The following CHI3L2 variants were observed in gnomAD, a reference collection of about 807,000 sequenced individuals.
CHI3L2 encodes the protein chitinase-3-like protein 2.
CHI3L2 carries 47 observed loss-of-function variants against 47.3 expected under a neutral mutation model. The observed-to-expected ratio is 0.99, with a 90% CI of 0.79 to 1.27. The LOEUF is 1.27. Among genes scored for constraint, CHI3L2 ranks in the 50% most tolerant of loss-of-function variants. The pLI, the probability that CHI3L2 is intolerant of heterozygous loss-of-function variation, is 0.00. For missense variants in CHI3L2, 497 were observed against 462.1 expected (o/e 1.08, Z -0.69); for synonymous variants, 198 against 169.9 (o/e 1.17, Z -1.28).
intron 3 of CHI3L2, 49 bp from the exon 4 acceptor site, chr1:111,231,189 C>T (rs1437568358): frequency 6.8e-7 from 1 of 1,475,186 alleles, no homozygotes; most frequent in Non-Finnish European, 9.5e-7. Context: ...TAGACAAAGG[C>T]TTCCCTGGCA....
chr1:111,235,617 C>A (rs1017064714), intron 5 of CHI3L2, 22 bp from the exon 6 acceptor site: 3 of 1,610,424 alleles, frequency 1.9e-6, no homozygotes, highest in Admixed American at 3.4e-5. Flanking sequence ...AATATTGCAC[C>A]TCGTTTCTTT....
chr1:111,239,077 C>G (rs562741486), intron 8 of CHI3L2, 145 bp downstream of exon 8: 1 of 785,484 alleles, frequency 1.3e-6, no homozygotes, highest in Non-Finnish European at 1.9e-6. Context: ...GATCTCCTAA[C>G]TCTGGGTTGG....
intron 8 of CHI3L2, among the ~76,000 whole-genome samples, chr1:111,240,065 A>C (rs1266304106): frequency 3.3e-5 from 5 of 152,200 alleles, no homozygotes; most frequent in Admixed American, 3.3e-4. Context: ...TGACTGGGGA[A>C]GGCTCCATGG....
intron 7 of CHI3L2, among the ~76,000 whole-genome samples, chr1:111,238,484 G>A (rs1312520369): frequency 2.0e-5 from 3 of 152,164 alleles, no homozygotes; most frequent in Non-Finnish European, 2.9e-5. Context: ...TTGATTTCAT[G>A]TTTTCTAGGT....
intron 4 of CHI3L2, among the ~76,000 whole-genome samples, chr1:111,231,877 A>G (rs1659733083): frequency 6.6e-6 from 1 of 152,268 alleles, no homozygotes; most frequent in South Asian, 2.1e-4. Flanking sequence ...TCCCATGGAA[A>G]TGATATCCCA....
chr1:111,230,198 T>C (rs1050840128), intron 2 of CHI3L2, among the ~76,000 whole-genome samples: 7 of 152,156 alleles, frequency 4.6e-5, no homozygotes, highest in African/African-American at 1.4e-4. Context: ...ACATACTGAA[T>C]CTTAGTGCTC....
At chr1:111,231,923 A>G (rs1413874747) in intron 4 of CHI3L2, among the ~76,000 whole-genome samples, 1 of 152,268 alleles carries the variant, frequency 6.6e-6, no homozygotes, top group Non-Finnish European at 1.5e-5. Flanking sequence ...ACATAAGGAT[A>G]AATATCACAT....
At chr1:111,237,570 A>T (rs1369113482) in intron 7 of CHI3L2, among the ~76,000 whole-genome samples, 1 of 152,190 alleles carries the variant, frequency 6.6e-6, no homozygotes, top group Non-Finnish European at 1.5e-5. Context: ...TGGCTAAGTC[A>T]CATCAGCCTC....
Position 111,229,905 on chromosome 1 carries a change from C to A in CHI3L2, c.70+24C>A, listed in dbSNP as rs369491317. On this transcript the variant is annotated intron_variant, in intron 2 of 10. Transcript: ENST00000369748. Reference sequence around the variant, plus strand: ...AGGTAAGTAGTCAATAAGTCACTACCGCCTGGATCTCCTGGCTTGGGTGCT... The same window carrying A: ...AGGTAAGTAGTCAATAAGTCACTACAGCCTGGATCTCCTGGCTTGGGTGCT... 4.3e-4 allele frequency: 688 copies of A among 1,613,334 alleles called. 7 individuals carry two copies. The highest frequency in any genetic ancestry group is 4.1e-3 in the South Asian group (376 of 91,024).
chr1:111,234,736 C>T (rs1372416614), intron 4 of CHI3L2, among the ~76,000 whole-genome samples, 171 bp from the exon 5 acceptor site: 2 of 152,202 alleles, frequency 1.3e-5, no homozygotes, highest in African/African-American at 4.8e-5. Flanking sequence ...AATGTTCCGG[C>T]CCAACAATCC....
rs575641612 is a variant in CHI3L2 at position 111,228,500 on chromosome 1, G to T, written c.40+731G>T. ...ACTGACCCTTGACAGGGTAGAGCCCGTAGGGAGGCCACACTTTGGAGAAGG... is the reference window on the plus strand; with the variant it reads ...ACTGACCCTTGACAGGGTAGAGCCCTTAGGGAGGCCACACTTTGGAGAAGG... On this transcript the variant is annotated intron_variant, in intron 1 of 10. Transcript: ENST00000369748. 5.9e-5 allele frequency among the ~76,000 whole-genome samples: 9 copies of T among 152,322 alleles called. No homozygotes were observed. In the South Asian group the frequency reaches 1.2e-3, roughly 21 times the overall value.
chr1:111,231,520 C>T (rs1039233395), intron 4 of CHI3L2: 3 of 431,674 alleles, frequency 6.9e-6, no homozygotes, highest in East Asian at 7.3e-5. Context: ...ACACTCAAGG[C>T]TTGAGAGAAA....
chr1:111,235,994 A>G, intron 6 of CHI3L2, 30 bp from the exon 7 acceptor site: 2 of 1,612,316 alleles, frequency 1.2e-6, no homozygotes, highest in East Asian at 2.2e-5. Flanking sequence ...GCTCGTCACA[A>G]AATCTCTCCC....
intron 2 of CHI3L2, among the ~76,000 whole-genome samples, 181 bp downstream of exon 2, chr1:111,230,062 C>G (rs532143960): frequency 7.0e-4 from 107 of 152,100 alleles, no homozygotes; most frequent in African/African-American, 2.5e-3. Flanking sequence ...TGTTCTAGTT[C>G]TTTTTGAGCC....
At position 111,242,278 on chromosome 1, in the gene CHI3L2, G is replaced by A. The variant is rs753311432; in HGVS notation, c.1087G>A (p.Asp363Asn). The A allele has an allele frequency of 3.7e-6, 6 of 1,614,098 alleles. No homozygotes were observed. The highest frequency in any genetic ancestry group is 5.1e-6 in the Non-Finnish European group (6 of 1,179,974). ...GGGAGGAGCCATGATCTGGTCTATT[G>A]ACATGGATGACTTCACTGGCAAATC... Reference protein sequence around the residue: ...NLGGAMIWSIDMDDFTGKSCN... With the variant: ...NLGGAMIWSINMDDFTGKSCN... The change falls in exon 10 of 11, where the codon GAC becomes AAC. Residue 363 changes from aspartate to asparagine, a missense_variant. Coordinates refer to ENST00000369748, the MANE Select transcript of CHI3L2 (RefSeq NM_004000.3).
At chr1:111,240,040 G>C (rs867352453) in intron 8 of CHI3L2, among the ~76,000 whole-genome samples, 59 of 152,194 alleles carry the variant, frequency 3.9e-4, no homozygotes, top group African/African-American at 1.4e-3. Context: ...AGAGTGACAT[G>C]AGATCAGAGA....
In CHI3L2 at chr1:111,242,378, G is replaced by A; in HGVS notation, c.*2+12G>A. ...GGCTCCCTGTGAAGGTAACAGTCCA[G>A]GCTGGAGCTGGGAGTGGGCAGACAG... On this transcript the variant is annotated intron_variant, in intron 10 of 10. Transcript: ENST00000369748. The A allele has an allele frequency of 6.3e-7, 1 of 1,585,596 alleles. No homozygotes were observed.
intron 6 of CHI3L2, 122 bp downstream of exon 6, chr1:111,235,885 G>A (rs1659871396): frequency 6.5e-7 from 1 of 1,535,346 alleles, no homozygotes; most frequent in Admixed American, 1.8e-5. Context: ...TCCTAACCCT[G>A]CATCATTCAG....
Position 111,238,856 on chromosome 1 carries a change from C to A in CHI3L2, c.842C>A (p.Thr281Asn). ...TTCACACTGGCCTCTGCAGAAACCA[C>A]CGTGGGGGCCCCTGCCTCTGGCCCT... ...HSFTLASAET[T>N]VGAPASGPGA... The change falls in exon 8 of 11, where the codon ACC (threonine) becomes AAC (asparagine). Residue 281 changes from threonine to asparagine, a missense_variant. By Grantham distance (65) the Thr-to-Asn change is moderately conservative. Coordinates refer to ENST00000369748, the MANE Select transcript of CHI3L2 (RefSeq NM_004000.3). The A allele has an allele frequency of 6.2e-7, 1 of 1,613,674 alleles. No individual in the cohort carries two copies. The highest frequency in any genetic ancestry group is 1.1e-5 in the South Asian group (1 of 90,980).
Sources: allele counts gnomAD v4.1 joint callset (sites outside exome capture counted in the v4.1 genomes callset), GRCh38; gene constraint gnomAD v4.1.1; transcripts MANE v1.5; gene names NCBI Gene and HGNC (gene_info 2026-07-23, HGNC 2026-07-21).